Variants in CSF1R observed in about 807,000 individuals in gnomAD.
CSF1R encodes colony stimulating factor 1 receptor, also known as macrophage colony-stimulating factor 1 receptor.
A neutral mutation model predicts 110.0 loss-of-function variants in CSF1R; 40 were observed. That is an observed-to-expected ratio of 0.36 (90% CI 0.28 to 0.47). The LOEUF is 0.47. Ranked by LOEUF, CSF1R falls within the 20% of genes least tolerant of loss-of-function variation. The pLI, the probability that CSF1R is intolerant of heterozygous loss-of-function variation, is 0.99. For missense variants in CSF1R, 1,052 were observed against 1,253.0 expected, an observed-to-expected ratio of 0.84 and a Z score of 2.42; for synonymous variants, 523 against 503.4, an observed-to-expected ratio of 1.04 and a Z score of -0.52.
At chr5:150,101,077 A>G (rs1351986987) in intron 1 of CSF1R, among the ~76,000 whole-genome samples, 1 of 152,038 alleles carries the variant, frequency 6.6e-6, no homozygotes, top group African/African-American at 2.4e-5. Context: ...TCAGAAAAAA[A>G]AAAAAAAGGT....
chr5:150,091,738 G>T lies in CSF1R; in HGVS notation c.-180-5131C>A, dbSNP rs147562566. On this transcript the variant is annotated intron_variant, in intron 1 of 21. Transcript: ENST00000286301. ...TAAATGCCGTTGTACACCTTAAAATGGTTAATGTTTAATTTTATGTTATGT... is the reference window on the plus strand; with the variant it reads ...TAAATGCCGTTGTACACCTTAAAATTGTTAATGTTTAATTTTATGTTATGT... 7.7e-4 allele frequency among the ~76,000 whole-genome samples: 116 copies of T among 151,568 alleles called. 1 individual carries two copies. Among genetic ancestry groups the T allele is most frequent in the African/African-American group, 2.6e-3 (109 of 41,288 alleles).
At chr5:150,059,123 C>T (rs1757381909) in intron 14 of CSF1R, among the ~76,000 whole-genome samples, 1 of 152,172 alleles carries the variant, frequency 6.6e-6, no homozygotes, top group African/African-American at 2.4e-5. Flanking sequence ...CAGCTCACAG[C>T]AACCTCTGCC....
chr5:150,073,622 C>T (rs1758126508), intron 5 of CSF1R, 129 bp from the exon 6 acceptor site: 1 of 845,660 alleles, frequency 1.2e-6, no homozygotes, highest in Non-Finnish European at 1.8e-6. Context: ...CCCCACCACC[C>T]AAGACAGGTC....
intron 10 of CSF1R, among the ~76,000 whole-genome samples, chr5:150,067,847 C>T (rs79915152): frequency 0.025 from 3,773 of 152,292 alleles, 70 homozygotes; most frequent in Non-Finnish European, 0.039. Context: ...CATGCTCTTG[C>T]TTTCACGGCT....
chr5:150,095,648 A>T (rs1295224402), intron 1 of CSF1R, among the ~76,000 whole-genome samples: 1 of 152,074 alleles, frequency 6.6e-6, no homozygotes, highest in Non-Finnish European at 1.5e-5. Context: ...AATTGACCGT[A>T]GGAAGGAAAT....
At chr5:150,054,744 T>C in intron 19 of CSF1R, 1 of 308,702 alleles carries the variant, frequency 3.2e-6, no homozygotes, top group Admixed American at 4.6e-5. Context: ...CCCAACACTT[T>C]GGGAGGTTGA....
At chr5:150,109,098 C>T (rs868211766) in intron 1 of CSF1R, among the ~76,000 whole-genome samples, 90 of 146,080 alleles carry the variant, frequency 6.2e-4, no homozygotes, top group African/African-American at 2.2e-3. Flanking sequence ...GAGCCACATT[C>T]TGTGTAGGCA....
At chr5:150,103,424 G>A (rs1298748407) in intron 1 of CSF1R, among the ~76,000 whole-genome samples, 1 of 152,198 alleles carries the variant, frequency 6.6e-6, no homozygotes, top group Non-Finnish European at 1.5e-5. Context: ...GGTCCCCGGA[G>A]GTACTACTTC....
At chr5:150,066,107 AG>A (rs1365229884) in intron 10 of CSF1R, among the ~76,000 whole-genome samples, 2 of 152,110 alleles carry the variant, frequency 1.3e-5, no homozygotes, top group African/African-American at 2.4e-5. Context: ...TTGGGTGTGT[AG>A]TCAAGGAGAT....
chr5:150,088,445 A>G (rs1008914813), upstream of CSF1R, among the ~76,000 whole-genome samples: 1 of 152,242 alleles, frequency 6.6e-6, no homozygotes, highest in African/African-American at 2.4e-5. Flanking sequence ...TTGCCAGAAA[A>G]GATAACTACA....
At chr5:150,090,400 A>G (rs1759002208), upstream of CSF1R, among the ~76,000 whole-genome samples, 3 of 152,228 alleles carry the variant, frequency 2.0e-5, no homozygotes, top group East Asian at 1.9e-4. Context: ...GAACAGCTCC[A>G]TCACTCTAGA....
chr5:150,094,661 A>C (rs1320958614), intron 1 of CSF1R: 1 of 1,565,510 alleles, frequency 6.4e-7, no homozygotes, highest in East Asian at 2.2e-5. Context: ...TCTTCAATGG[A>C]ACCTTTGTGA....
chr5:150,070,602 GC>G, intron 6 of CSF1R, 31 bp from the exon 7 acceptor site: 1 of 1,441,246 alleles, frequency 6.9e-7, no homozygotes, highest in Non-Finnish European at 9.3e-7. Flanking sequence ...GTGTTGGTGA[GC>G]CCCAGCCTAG....
intron 4 of CSF1R, among the ~76,000 whole-genome samples, chr5:150,077,892 C>T (rs183372005): frequency 6.6e-6 from 1 of 151,932 alleles, no homozygotes; most frequent in African/African-American, 2.4e-5. Flanking sequence ...TCCCCCCACC[C>T]ACCCCCACAA....
At chr5:150,096,076 T>C (rs1759213810) in intron 1 of CSF1R, among the ~76,000 whole-genome samples, 1 of 152,134 alleles carries the variant, frequency 6.6e-6, no homozygotes. Context: ...TACTGGCAAA[T>C]TCTACCAAAC....
chr5:150,085,665 GC>G (rs1758810739), intron 1 of CSF1R, among the ~76,000 whole-genome samples: 1 of 151,828 alleles, frequency 6.6e-6, no homozygotes, highest in African/African-American at 2.4e-5. Flanking sequence ...CCCTCCTCTA[GC>G]CCTATACCTA....
chr5:150,055,403 C>A, intron 18 of CSF1R, 67 bp from the exon 19 acceptor site: 1 of 1,342,700 alleles, frequency 7.4e-7, no homozygotes, highest in Non-Finnish European at 1.1e-6. Context: ...CACACCCACA[C>A]ACATCTTAGA....
At chr5:150,056,479 C>G in intron 16 of CSF1R, 138 bp from the exon 17 acceptor site, 1 of 1,042,856 alleles carries the variant, frequency 9.6e-7, no homozygotes, top group Non-Finnish European at 1.4e-6. Flanking sequence ...TACCACAAAC[C>G]CTTGTCTATA....
intron 18 of CSF1R, 72 bp from the exon 19 acceptor site, chr5:150,055,408 C>T (rs1757160316): frequency 1.5e-6 from 2 of 1,307,582 alleles, no homozygotes; most frequent in Non-Finnish European, 2.2e-6. Context: ...CCACACACAT[C>T]TTAGACTGGG....
Sources: allele counts gnomAD v4.1 joint callset (sites outside exome capture counted in the v4.1 genomes callset), GRCh38; gene constraint gnomAD v4.1.1; transcripts MANE v1.5; gene names NCBI Gene and HGNC (gene_info 2026-07-23, HGNC 2026-07-21).